The following AIG1 variants were observed in gnomAD, a reference collection of about 807,000 sequenced individuals.
The protein encoded by AIG1 is androgen induced 1.
AIG1 carries 23 observed loss-of-function variants against 31.4 expected under a neutral mutation model. That is an observed-to-expected ratio of 0.73 (90% CI 0.53 to 1.04). The LOEUF (loss-of-function observed/expected upper bound fraction) is 1.04, where lower values mean the gene tolerates loss of function less well. Ranked by LOEUF, AIG1 falls within the 50% of genes least tolerant of loss-of-function variation. AIG1 has a pLI of 0.00. For missense variants in AIG1, 274 were observed against 295.0 expected, an observed-to-expected ratio of 0.93 and a Z score of 0.52; for synonymous variants, 100 against 110.5, an observed-to-expected ratio of 0.90 and a Z score of 0.60.
chr6:143,267,129 G>A (rs1796211938), intron 3 of AIG1, among the ~76,000 whole-genome samples: 1 of 152,064 alleles, frequency 6.6e-6, no homozygotes, highest in Admixed American at 6.6e-5. Context: ...AAACATCTTT[G>A]TTCAAATTCT....
In AIG1 at chr6:143,243,650, A is replaced by G. The variant is rs1484378675; in HGVS notation, c.400-40460A>G. Among the ~76,000 whole-genome samples the G allele has an allele frequency of 2.0e-5, 3 of 152,342 alleles. No homozygotes were observed. The East Asian group carries it at 5.8e-4, about 29-fold the overall frequency. ...GGCAGTAGACAGTGGTAACATAGGTATTGTTAAAGTATTGATATAGGACAG... is the reference window on the plus strand; with the variant it reads ...GGCAGTAGACAGTGGTAACATAGGTGTTGTTAAAGTATTGATATAGGACAG... On this transcript the variant is annotated intron_variant, in intron 3 of 5. Transcript: ENST00000357847.
At chr6:143,155,581 G>A (rs560937024) in intron 2 of AIG1, among the ~76,000 whole-genome samples, 3 of 152,168 alleles carry the variant, frequency 2.0e-5, no homozygotes, top group Non-Finnish European at 2.9e-5. Context: ...GTGTTGTGGG[G>A]GTCAAGGAGA....
At chr6:143,179,054 G>A (rs757184387) in intron 3 of AIG1, among the ~76,000 whole-genome samples, 7 of 152,124 alleles carry the variant, frequency 4.6e-5, no homozygotes, top group Non-Finnish European at 8.8e-5. Context: ...ATGGATAAGT[G>A]CCTTTATTGG....
rs1798158168 is a variant in AIG1, at chr6:143,292,982, TTC to T, written c.515+8758_515+8759del. Among the ~76,000 whole-genome samples, 1 of 152,232 alleles carries T rather than the reference TTC, an allele frequency of 6.6e-6. No homozygotes were observed. The highest frequency in any genetic ancestry group is 2.4e-5 in the African/African-American group (1 of 41,454). On this transcript the variant is annotated intron_variant, in intron 4 of 5. Coordinates refer to ENST00000357847, the MANE Select transcript of AIG1 (RefSeq NM_016108.4). This position sits in a 1 kb window ranked among gnomAD's most constrained non-coding sequence, Gnocchi z 4.9. ...TTGAAGTTAGATGCTCCTTGTTTAGTTCCCGTCTTCCTCGGGTCTTTGAGCAA... is the reference window on the plus strand; with the variant it reads ...TTGAAGTTAGATGCTCCTTGTTTAGTCCGTCTTCCTCGGGTCTTTGAGCAA...
rs1037020039 is a variant in AIG1 at position 143,279,820 on chromosome 6, A to G, written c.400-4290A>G. On this transcript the variant is annotated intron_variant, in intron 3 of 5. Coordinates refer to ENST00000357847, the MANE Select transcript of AIG1 (RefSeq NM_016108.4). The surrounding 1 kb of genome is among the most constrained non-coding windows in gnomAD (Gnocchi z 5.4). ...TCATTAAAACTAGCTAAAATGGATGATAGAGCTTGGGATAGGTTCACCACT... is the reference window on the plus strand; with the variant it reads ...TCATTAAAACTAGCTAAAATGGATGGTAGAGCTTGGGATAGGTTCACCACT... Among the ~76,000 whole-genome samples the G allele has an allele frequency of 6.6e-6, 1 of 152,200 alleles. No homozygotes were observed. The highest frequency in any genetic ancestry group is 2.4e-5 in the African/African-American group (1 of 41,450).
At chr6:143,322,501 G>T (rs1203988541) in intron 4 of AIG1, among the ~76,000 whole-genome samples, 2 of 152,098 alleles carry the variant, frequency 1.3e-5, no homozygotes, top group Non-Finnish European at 2.9e-5. Context: ...TTAATGTTTG[G>T]CATCTATGTG....
Position 143,339,878 on chromosome 6 carries a change from TTA to T in AIG1, c.*203_*204del. 2.5e-6 allele frequency: 1 copy of T among 403,354 alleles called. No homozygotes were observed. 25.0% of individuals were successfully genotyped at this position (403,354 alleles called of 1,614,324 possible). ...CAAAAGAACTCACCCTCACTGTGTG[TTA>T]AAGAATTCTTCCCAAAGTCATTACT... On this transcript the variant is annotated 3_prime_UTR_variant, in exon 6 of 6. Transcript: ENST00000357847.
chr6:143,136,859 A>G lies in AIG1; in HGVS notation c.166A>G (p.Ile56Val). 2 of 1,457,974 alleles carry G rather than the reference A, an allele frequency of 1.4e-6. No individual in the cohort carries two copies. The highest frequency in any genetic ancestry group is 1.8e-6 in the Non-Finnish European group (2 of 1,088,636). 90.3% of individuals were successfully genotyped at this position (1,457,974 alleles called of 1,614,324 possible). ...GGTTATCCAGGCTGTCTTTTTTGGCATCTGTGTGCTGACTGATCTTTCCAG... is the reference window on the plus strand; with the variant it reads ...GGTTATCCAGGCTGTCTTTTTTGGCGTCTGTGTGCTGACTGATCTTTCCAG... ...DLVIQAVFFGICVLTDLSSLL... is the reference protein window; with the variant it reads ...DLVIQAVFFGVCVLTDLSSLL... The change falls in exon 2 of 6, where the codon ATC (isoleucine) becomes GTC (valine). Residue 56 changes from isoleucine to valine, a missense_variant. Physicochemically the swap from Ile to Val is conservative, Grantham distance 29 (BLOSUM62 3). Transcript: ENST00000357847.
intron 4 of AIG1, among the ~76,000 whole-genome samples, chr6:143,312,208 A>C (rs113218021): frequency 1.6e-4 from 24 of 152,266 alleles, no homozygotes; most frequent in African/African-American, 5.5e-4. Flanking sequence ...AGAAAAAAGC[A>C]ATGCTAAAAT....
At chr6:143,098,034 CAT>C (rs998011591) in intron 1 of AIG1, among the ~76,000 whole-genome samples, 1 of 152,210 alleles carries the variant, frequency 6.6e-6, no homozygotes, top group African/African-American at 2.4e-5. Context: ...AGTCCACAAA[CAT>C]AGTGTGCTAT....
intron 3 of AIG1, among the ~76,000 whole-genome samples, chr6:143,245,479 C>T (rs1794555400): frequency 6.6e-6 from 1 of 152,168 alleles, no homozygotes; most frequent in African/African-American, 2.4e-5. Context: ...ATTTGATACA[C>T]TCTAATTCAG....
chr6:143,290,701 TAAC>T (rs1407866063), intron 4 of AIG1, among the ~76,000 whole-genome samples: 7 of 152,170 alleles, frequency 4.6e-5, no homozygotes, highest in Admixed American at 1.3e-4. Flanking sequence ...GAGGCAGTTT[TAAC>T]AACAACCGAC....
chr6:143,195,225 C>T (rs138726993), intron 3 of AIG1, among the ~76,000 whole-genome samples: 11 of 152,154 alleles, frequency 7.2e-5, no homozygotes, highest in Admixed American at 7.2e-4. Flanking sequence ...GTCTAGGGAA[C>T]TTGGAATATT....
At position 143,339,751 on chromosome 6, in the gene AIG1, G is replaced by T. The variant is rs1365432630; in HGVS notation, c.*75G>T. ...TTCCCCTCGGGCATTGGCAGTGGGG[G>T]AGAAAAGGCTTCAAAGGAACTTGGT... On this transcript the variant is annotated 3_prime_UTR_variant, in exon 6 of 6. Coordinates refer to ENST00000357847, the MANE Select transcript of AIG1 (RefSeq NM_016108.4). 3 of 1,524,306 alleles carry T rather than the reference G, an allele frequency of 2.0e-6. No homozygotes were observed. The highest frequency in any genetic ancestry group is 1.8e-6 in the Non-Finnish European group (2 of 1,113,528). 94.4% of individuals were successfully genotyped at this position (1,524,306 alleles called of 1,614,324 possible).
rs570883185 is a variant in AIG1, at chr6:143,304,437, C to G, written c.515+20212C>G. 9.2e-5 allele frequency among the ~76,000 whole-genome samples: 14 copies of G among 151,902 alleles called. No individual in the cohort carries two copies. The East Asian group carries it at 1.4e-3, about 15-fold the overall frequency. On this transcript the variant is annotated intron_variant, in intron 4 of 5. Coordinates refer to ENST00000357847, the MANE Select transcript of AIG1 (RefSeq NM_016108.4). ...TTTATTGAGAGTTTTTAGCATGAAG[C>G]GTTGTTGAATTTTGTCAAAGGCCTT...
intron 3 of AIG1, among the ~76,000 whole-genome samples, chr6:143,283,896 A>G (rs1797513938): frequency 6.6e-6 from 1 of 152,232 alleles, no homozygotes; most frequent in Non-Finnish European, 1.5e-5. Context: ...ATACAATAAA[A>G]TTTCAAAAAT....
chr6:143,134,305 C>T (rs1458869576), intron 1 of AIG1, among the ~76,000 whole-genome samples: 2 of 151,276 alleles, frequency 1.3e-5, no homozygotes, highest in African/African-American at 2.4e-5. Context: ...TGCATTTCTT[C>T]ATGTATTACT....
At chr6:143,219,141 C>G (rs1413862044) in intron 3 of AIG1, among the ~76,000 whole-genome samples, 1 of 152,210 alleles carries the variant, frequency 6.6e-6, no homozygotes, top group Non-Finnish European at 1.5e-5. Flanking sequence ...TGACATAGAG[C>G]TGAAGAGTAG....
chr6:143,267,072 G>A (rs868714442), intron 3 of AIG1, among the ~76,000 whole-genome samples: 5 of 152,114 alleles, frequency 3.3e-5, no homozygotes, highest in Non-Finnish European at 2.9e-5. Flanking sequence ...CTTTCCTAAT[G>A]CTCATCTCTT....
Sources: gnomAD v4.1 joint callset for allele counts (sites outside exome capture counted in the v4.1 genomes callset) on GRCh38, gnomAD v4.1.1 for gene constraint, Gnocchi (gnomAD v3.1) non-coding constraint, MANE v1.5 for transcripts, NCBI Gene and HGNC (gene_info 2026-07-23, HGNC 2026-07-21) for gene names.